The following ATXN1 variants were observed in gnomAD, a reference collection of about 807,000 sequenced individuals.
ATXN1 encodes ataxin 1.
In ATXN1, 8 loss-of-function variants were observed where a neutral mutation model predicts 56.4. The ratio of observed to expected loss-of-function variants is 0.14; its 90% CI spans 0.08 to 0.26. The LOEUF is 0.26. ATXN1 is among the 10% of genes least tolerant of loss of function. ATXN1 has a pLI of 1.00. For synonymous variants in ATXN1, 514 were observed against 494.6 expected, an observed-to-expected ratio of 1.04 and a Z score of -0.52; for missense variants, 987 against 1,106.5, an observed-to-expected ratio of 0.89 and a Z score of 1.53.
At chr6:16,521,415 A>C (rs1017276109) in intron 5 of ATXN1, among the ~76,000 whole-genome samples, 2 of 152,142 alleles carry the variant, frequency 1.3e-5, no homozygotes, top group African/African-American at 4.8e-5. Flanking sequence ...AAAATTAGCC[A>C]GGCATGGTGG....
chr6:16,621,632 C>T (rs1763322094), intron 3 of ATXN1, among the ~76,000 whole-genome samples: 1 of 152,090 alleles, frequency 6.6e-6, no homozygotes, highest in African/African-American at 2.4e-5. Context: ...GAGGCTTGAA[C>T]CCGGGAGGCA....
intron 6 of ATXN1, among the ~76,000 whole-genome samples, chr6:16,391,928 C>T (rs1476465): frequency 0.14 from 20,884 of 152,154 alleles, 1,639 homozygotes; most frequent in African/African-American, 0.21. Context: ...TGGTGGCCTA[C>T]GGTCTCCTTT....
At chr6:16,443,245 A>G (rs1054633831) in intron 6 of ATXN1, among the ~76,000 whole-genome samples, 1 of 150,270 alleles carries the variant, frequency 6.7e-6, no homozygotes, top group Non-Finnish European at 1.5e-5. Context: ...CTACCTAAAT[A>G]GTATGATTGC....
At chr6:16,533,731 T>G (rs895981422) in intron 4 of ATXN1, among the ~76,000 whole-genome samples, 1 of 152,166 alleles carries the variant, frequency 6.6e-6, no homozygotes, top group Non-Finnish European at 1.5e-5. Flanking sequence ...GTCTTCTTCT[T>G]TCCCTAACCA....
intron 4 of ATXN1, among the ~76,000 whole-genome samples, chr6:16,566,399 C>T (rs981194305): frequency 2.6e-5 from 4 of 151,988 alleles, no homozygotes; most frequent in South Asian, 2.1e-4. Flanking sequence ...ACTCTGGATT[C>T]CCCCAAACTC....
intron 3 of ATXN1, among the ~76,000 whole-genome samples, chr6:16,596,084 A>G (rs1048504413): frequency 2.0e-5 from 3 of 151,960 alleles, no homozygotes; most frequent in African/African-American, 7.3e-5. Context: ...GCAGCCTCTA[A>G]CTCCTGGGCT....
At chr6:16,341,877 ATTTTTTTTTTTT>A (rs34092584) in intron 6 of ATXN1, among the ~76,000 whole-genome samples, 1 of 86,860 alleles carries the variant, frequency 1.2e-5, no homozygotes, top group African/African-American at 4.9e-5. Flanking sequence ...TGTCTCAGTG[ATTTTTTTTTTTT>A]TTTTTTTTTT....
At chr6:16,544,999 G>A (rs913307922) in intron 4 of ATXN1, among the ~76,000 whole-genome samples, 1 of 152,068 alleles carries the variant, frequency 6.6e-6, no homozygotes, top group Non-Finnish European at 1.5e-5. Flanking sequence ...CAACACCAAG[G>A]TCTTCAGGTC....
intron 4 of ATXN1, among the ~76,000 whole-genome samples, chr6:16,566,858 AAACAACAAC>A (rs150789955): frequency 1.3e-5 from 2 of 150,658 alleles, no homozygotes; most frequent in Non-Finnish European, 1.5e-5. Flanking sequence ...TCCGTCTCAA[AAACAACAAC>A]AACAACAACA....
intron 2 of ATXN1, among the ~76,000 whole-genome samples, chr6:16,750,736 CCT>C (rs1050485092): frequency 6.6e-5 from 10 of 152,056 alleles, no homozygotes; most frequent in Middle Eastern, 3.2e-3. Context: ...CTTTTTGCTG[CCT>C]GTTTTTTCAC....
At chr6:16,599,300 T>C (rs1245886205) in intron 3 of ATXN1, among the ~76,000 whole-genome samples, 1 of 152,188 alleles carries the variant, frequency 6.6e-6, no homozygotes, top group East Asian at 1.9e-4. Context: ...GCTGGCCCTA[T>C]AGCAGCCTCA....
intron 5 of ATXN1, among the ~76,000 whole-genome samples, chr6:16,514,277 A>G (rs1010588801): frequency 1.3e-5 from 2 of 151,844 alleles, no homozygotes; most frequent in Non-Finnish European, 2.9e-5. Context: ...AGCCTTGTGG[A>G]GCTTAAAAAA....
At chr6:16,471,024 A>T (rs1760206391) in intron 6 of ATXN1, among the ~76,000 whole-genome samples, 1 of 152,136 alleles carries the variant, frequency 6.6e-6, no homozygotes, top group Non-Finnish European at 1.5e-5. Flanking sequence ...AAGGGAACAG[A>T]GAGTGACCAG....
rs541366793 is a variant in ATXN1, at chr6:16,515,864, G to C, written c.-299+6763C>G. ...GTCCATACACCTGGGATGGAATCAT[G>C]GAAGCATCCCAGACAGGTTAACTTT... On this transcript the variant is annotated intron_variant, in intron 5 of 7. Coordinates refer to ENST00000436367, the MANE Select transcript of ATXN1 (RefSeq NM_001128164.2). Among the ~76,000 whole-genome samples the C allele has an allele frequency of 1.1e-4, 17 of 152,254 alleles. No homozygotes were observed. In the South Asian group the frequency reaches 3.5e-3, roughly 32 times the overall value.
chr6:16,326,380 C>A lies in ATXN1; in HGVS notation c.1917+14G>T, dbSNP rs72840240. 0.016 allele frequency: 25,788 copies of A among 1,611,262 alleles called. 1,062 individuals carry two copies. Among genetic ancestry groups the A allele is most frequent in the African/African-American group, 0.16 (11,681 of 74,934 alleles). On this transcript the variant is annotated intron_variant, in intron 7 of 7. Coordinates refer to ENST00000436367, the MANE Select transcript of ATXN1 (RefSeq NM_001128164.2). This position sits in a 1 kb window ranked among gnomAD's most constrained non-coding sequence, Gnocchi z 6.6. The stretch of plus-strand genomic sequence containing the variant: ...TGTGGTGTCCCATCCCTGTGCCACC[C>A]TGGCTAACGTTACCTGGGCTCGGTG...
chr6:16,356,390 G>C (rs530607959), intron 6 of ATXN1, among the ~76,000 whole-genome samples: 2 of 152,320 alleles, frequency 1.3e-5, no homozygotes, highest in South Asian at 4.1e-4. Flanking sequence ...AGAAGAAATG[G>C]AACAGGGCTG....
chr6:16,342,342 TA>T lies in ATXN1; in HGVS notation c.-160-13873del, dbSNP rs112126818. 1.0e-3 allele frequency among the ~76,000 whole-genome samples: 148 copies of T among 146,868 alleles called. 1 individual carries two copies. Among genetic ancestry groups the T allele is most frequent in the African/African-American group, 2.8e-3 (112 of 40,038 alleles). On this transcript the variant is annotated intron_variant, in intron 6 of 7. Transcript: ENST00000436367. ...AAGATGGACATTATATTCTTTTTTT[TA>T]AAAAAAAAAACAAAACAAAAATGGA... is the stretch of plus-strand genomic sequence containing the variant.
At chr6:16,431,208 T>C (rs142955121) in intron 6 of ATXN1, among the ~76,000 whole-genome samples, 2 of 152,032 alleles carry the variant, frequency 1.3e-5, no homozygotes, top group Non-Finnish European at 2.9e-5. Flanking sequence ...GTTTTTAGAA[T>C]AGAGAAATAC....
intron 2 of ATXN1, chr6:16,667,453 T>G (rs1464235578): frequency 1.3e-5 from 2 of 152,194 alleles, no homozygotes; most frequent in Non-Finnish European, 2.9e-5. Flanking sequence ...AGACCGGTTA[T>G]CACATGGAAA....
Sources: gnomAD v4.1 joint callset for allele counts (sites outside exome capture counted in the v4.1 genomes callset) on GRCh38, gnomAD v4.1.1 for gene constraint, Gnocchi (gnomAD v3.1) non-coding constraint, MANE v1.5 for transcripts, NCBI Gene and HGNC (gene_info 2026-07-23, HGNC 2026-07-21) for gene names.